The following RAB17 variants were observed in gnomAD, a reference collection of about 807,000 sequenced individuals.
RAB17 encodes the protein ras-related protein Rab-17.
In RAB17, 15 loss-of-function variants were observed where a neutral mutation model predicts 19.3. The observed-to-expected ratio is 0.78, with a 90% CI of 0.52 to 1.20. The LOEUF (loss-of-function observed/expected upper bound fraction) is 1.20, where lower values mean the gene tolerates loss of function less well. RAB17 is among the 50% of genes most tolerant of loss of function. The pLI is 0.00. For missense variants in RAB17, 262 were observed against 269.3 expected (o/e 0.97, Z 0.19); for synonymous variants, 110 against 112.8 (o/e 0.97, Z 0.16).
At chr2:237,582,198 T>TCTGCTTC (rs2081314399) in intron 2 of RAB17, among the ~76,000 whole-genome samples, 1 of 152,254 alleles carries the variant, frequency 6.6e-6, no homozygotes, top group African/African-American at 2.4e-5. Flanking sequence ...CCTTTCTGGC[T>TCTGCTTC]CTGCTTCCTG....
At chr2:237,589,377 A>G (rs966060124) in intron 1 of RAB17, among the ~76,000 whole-genome samples, 1 of 152,236 alleles carries the variant, frequency 6.6e-6, no homozygotes, top group Admixed American at 6.5e-5. Context: ...CCATAGTTTT[A>G]ACATAAAATT....
intron 4 of RAB17, among the ~76,000 whole-genome samples, chr2:237,576,316 C>T (rs1362839415): frequency 3.3e-5 from 5 of 152,162 alleles, no homozygotes; most frequent in African/African-American, 9.6e-5. Context: ...CCACCCTGGC[C>T]GCCCACTGCC....
chr2:237,581,803 T>A (rs138278519), intron 2 of RAB17, among the ~76,000 whole-genome samples: 41 of 152,332 alleles, frequency 2.7e-4, no homozygotes, highest in Non-Finnish European at 4.4e-4. Flanking sequence ...TCAGTACCTG[T>A]TTGTCACCGT....
chr2:237,586,005 C>G lies in RAB17; in HGVS notation c.150G>C (p.Thr50=), dbSNP rs1324801445. ...TGCTCTGCCCTCACTTACAGCCCACCGTAGGCAGGATACTCTTGAAGTCGT... is the reference window on the plus strand; with the variant it reads ...TGCTCTGCCCTCACTTACAGCCCACGGTAGGCAGGATACTCTTGAAGTCGT... The part of the protein sequence containing the change: ...VKNDFKSILP[T]VGCAFFTKVV... Residue 50 remains threonine (T), a synonymous_variant, in exon 2 of 6, where the codon ACG becomes ACC. Transcript: ENST00000264601. The G allele has an allele frequency of 2.5e-6, 4 of 1,606,648 alleles. No homozygotes were observed. Among genetic ancestry groups the G allele is most frequent in the Non-Finnish European group, 3.4e-6 (4 of 1,176,520 alleles).
intron 4 of RAB17, chr2:237,576,435 C>T: frequency 2.6e-6 from 1 of 389,208 alleles, no homozygotes; most frequent in Non-Finnish European, 5.3e-6. Flanking sequence ...TCCTCTCTCC[C>T]CCACCCCAAC....
chr2:237,584,321 T>C (rs538262032), intron 2 of RAB17, among the ~76,000 whole-genome samples: 1 of 152,088 alleles, frequency 6.6e-6, no homozygotes, highest in Non-Finnish European at 1.5e-5. Context: ...CTCTCAGCCC[T>C]GCTTGCGCTC....
intron 2 of RAB17, among the ~76,000 whole-genome samples, chr2:237,585,115 T>C (rs1278090007): frequency 6.6e-6 from 1 of 152,218 alleles, no homozygotes; most frequent in Non-Finnish European, 1.5e-5. Flanking sequence ...GTTTCTGTGT[T>C]TGGTGCATCT....
intron 2 of RAB17, among the ~76,000 whole-genome samples, chr2:237,579,763 G>GCTGGACAGAGAACAGGAGA (rs1486284158): frequency 6.6e-6 from 1 of 152,184 alleles, no homozygotes; most frequent in African/African-American, 2.4e-5. Context: ...AGAACAGGAG[G>GCTGGACAGAGAACAGGAGA]CTGGACAGAG....
chr2:237,575,391 T>C lies in RAB17; in HGVS notation c.525A>G (p.Thr175=), dbSNP rs1239031477. 7 of 1,608,344 alleles carry C rather than the reference T, an allele frequency of 4.4e-6. No homozygotes were observed. Among genetic ancestry groups the C allele is most frequent in the Non-Finnish European group, 5.9e-6 (7 of 1,176,684 alleles). Residue 175 remains threonine, a synonymous_variant, in exon 5 of 6, where the codon ACA becomes ACG. Coordinates refer to ENST00000264601, the MANE Select transcript of RAB17 (RefSeq NM_022449.4). Reference sequence around the variant, plus strand: ...GCCCACGGGGACGTGACTCACCCACTGTATTGAACACCTCCGACACCTGGT... The same window carrying C: ...GCCCACGGGGACGTGACTCACCCACCGTATTGAACACCTCCGACACCTGGT... ...LNHQVSEVFN[T]VAQELLQRSD...
intron 3 of RAB17, chr2:237,577,735 G>C: frequency 4.1e-6 from 2 of 484,210 alleles, no homozygotes; most frequent in Non-Finnish European, 3.7e-6. Flanking sequence ...TGGGGGACTG[G>C]CCACCACCCC....
intron 4 of RAB17, 122 bp downstream of exon 4, chr2:237,577,135 A>C (rs763121142): frequency 3.8e-5 from 46 of 1,214,306 alleles, no homozygotes; most frequent in Non-Finnish European, 5.0e-5. Flanking sequence ...GTGTGTGCAC[A>C]TGTGTAAGTG....
Position 237,585,987 on chromosome 2 carries a change from C to A in RAB17, c.157+11G>T. ...TGAAGACCAACAAAGGGGTGCTCTG[C>A]CCTCACTTACAGCCCACCGTAGGCA... On this transcript the variant is annotated intron_variant, in intron 2 of 5. Transcript: ENST00000264601. The A allele has an allele frequency of 6.3e-7, 1 of 1,592,436 alleles. No homozygotes were observed. The highest frequency in any genetic ancestry group is 2.3e-5 in the East Asian group (1 of 44,232).
intron 2 of RAB17, chr2:237,578,581 A>C (rs909516151): frequency 2.4e-5 from 4 of 164,144 alleles, no homozygotes; most frequent in African/African-American, 9.6e-5. Flanking sequence ...CATCTTGCAC[A>C]GAGGCAGTCA....
chr2:237,578,169 G>T lies in RAB17; in HGVS notation c.158-14C>A. 6.2e-7 allele frequency: 1 copy of T among 1,601,574 alleles called. No individual in the cohort carries two copies. On this transcript the variant is annotated splice_polypyrimidine_tract_variant and intron_variant, in intron 2 of 5. Transcript: ENST00000264601. ...TGAAGAACGCACCTGAAACAGGGAG[G>T]CCCAGAGGGCTTACTCAGAGGACGA...
At chr2:237,587,382 C>T (rs2081358795) in intron 1 of RAB17, among the ~76,000 whole-genome samples, 1 of 152,142 alleles carries the variant, frequency 6.6e-6, no homozygotes, top group African/African-American at 2.4e-5. Flanking sequence ...TTCCTCACCA[C>T]AGTGGGCAAG....
intron 2 of RAB17, among the ~76,000 whole-genome samples, chr2:237,584,183 C>A (rs972961631): frequency 1.3e-5 from 2 of 152,014 alleles, no homozygotes; most frequent in African/African-American, 4.8e-5. Flanking sequence ...CCCCACACAT[C>A]ACCCCCCCAC....
At chr2:237,585,803 C>T (rs2081345209) in intron 2 of RAB17, among the ~76,000 whole-genome samples, 195 bp downstream of exon 2, 1 of 152,194 alleles carries the variant, frequency 6.6e-6, no homozygotes, top group African/African-American at 2.4e-5. Flanking sequence ...GAGCCAAGGG[C>T]ATTTCCTGTC....
intron 2 of RAB17, among the ~76,000 whole-genome samples, chr2:237,584,332 A>G (rs1430843074): frequency 6.6e-6 from 1 of 151,792 alleles, no homozygotes; most frequent in Non-Finnish European, 1.5e-5. Flanking sequence ...GCTTGCGCTC[A>G]CCTAGTGAGT....
chr2:237,586,523 T>A (rs1299458996), intron 1 of RAB17, among the ~76,000 whole-genome samples: 1 of 152,160 alleles, frequency 6.6e-6, no homozygotes, highest in Non-Finnish European at 1.5e-5. Flanking sequence ...CCAAAGTATC[T>A]AATGCAAGGA....
Sources: allele counts gnomAD v4.1 joint callset (sites outside exome capture counted in the v4.1 genomes callset), GRCh38; gene constraint gnomAD v4.1.1; transcripts MANE v1.5; gene names NCBI Gene and HGNC (gene_info 2026-07-23, HGNC 2026-07-21).